CORO2B: variants seen among roughly 807,000 people sequenced by gnomAD.
CORO2B encodes the protein coronin 2B, also known as coronin-2B.
CORO2B carries 26 observed loss-of-function variants against 58.8 expected under a neutral mutation model. The ratio of observed to expected loss-of-function variants is 0.44; its 90% CI spans 0.32 to 0.61. CORO2B has a LOEUF of 0.61. Among genes scored for constraint, CORO2B ranks in the 20% least tolerant of loss-of-function variants. The pLI is 0.04. For missense variants in CORO2B, 460 were observed against 645.1 expected, an observed-to-expected ratio of 0.71 and a Z score of 3.11; for synonymous variants, 242 against 253.8, an observed-to-expected ratio of 0.95 and a Z score of 0.44.
chr15:68,677,489 T>G (rs1407075972), intron 2 of CORO2B, among the ~76,000 whole-genome samples: 2 of 152,102 alleles, frequency 1.3e-5, no homozygotes, highest in Non-Finnish European at 2.9e-5. Context: ...AGCATTTCCT[T>G]GGGCAGCTGG....
intron 3 of CORO2B, 142 bp downstream of exon 3, chr15:68,695,398 G>A (rs1596020793): frequency 1.5e-6 from 1 of 663,062 alleles, no homozygotes; most frequent in Admixed American, 2.4e-5. Flanking sequence ...GCCCCACGAT[G>A]TGGGGGGGAT....
chr15:68,550,612 T>G, the CORO2B span, among the ~76,000 whole-genome samples: 2 of 152,240 alleles, frequency 1.3e-5, no homozygotes, highest in Admixed American at 6.5e-5. Context: ...CCGTTATTAC[T>G]GTCGCCCCCG....
intron 3 of CORO2B, among the ~76,000 whole-genome samples, chr15:68,705,436 C>CAAAAA (rs35973911): frequency 1.8e-5 from 2 of 112,782 alleles, no homozygotes; most frequent in Non-Finnish European, 3.5e-5. Context: ...AACTCTATCT[C>CAAAAA]AAAAAAAAAA....
chr15:68,577,741 A>T (rs1899315819), upstream of CORO2B, among the ~76,000 whole-genome samples: 1 of 151,648 alleles, frequency 6.6e-6, no homozygotes, highest in Non-Finnish European at 1.5e-5. Context: ...AAAAAAAAAA[A>T]AAAAATTGCA....
intron 1 of CORO2B, among the ~76,000 whole-genome samples, chr15:68,600,409 A>G (rs753244869): frequency 6.6e-6 from 1 of 152,082 alleles, no homozygotes. Flanking sequence ...CCCTGAGTAC[A>G]CACTATGCTC....
At chr15:68,580,654 A>G (rs751610818) in intron 1 of CORO2B, among the ~76,000 whole-genome samples, 36 of 152,234 alleles carry the variant, frequency 2.4e-4, no homozygotes, top group Non-Finnish European at 4.4e-4. Flanking sequence ...ACCTGGGGTA[A>G]GATGCTTAGG....
chr15:68,720,902 T>C (rs1202328771), intron 11 of CORO2B, among the ~76,000 whole-genome samples: 1 of 152,198 alleles, frequency 6.6e-6, no homozygotes, highest in Non-Finnish European at 1.5e-5. Flanking sequence ...TATTTTTTGT[T>C]TTGAGACAGA....
the CORO2B span, among the ~76,000 whole-genome samples, chr15:68,519,684 T>C: frequency 6.6e-6 from 1 of 152,220 alleles, no homozygotes; most frequent in Non-Finnish European, 1.5e-5. Context: ...CTTATTTCTA[T>C]TATTTCCTTC....
chr15:68,572,692 A>T, the CORO2B span, among the ~76,000 whole-genome samples: 1 of 152,020 alleles, frequency 6.6e-6, no homozygotes, highest in Non-Finnish European at 1.5e-5. Flanking sequence ...GGTGAAACTG[A>T]GGCTGGTTTG....
At position 68,584,312 on chromosome 15, in the gene CORO2B, C is replaced by T. The variant is rs1035985122; in HGVS notation, c.15+5035C>T. On this transcript the variant is annotated intron_variant, in intron 1 of 11. Transcript: ENST00000261861. ...CAGGTGCTTTCTTCTGGACTGTGCC[C>T]AGAGGCCCTGTGTTCCCCTCCCCCG... Among the ~76,000 whole-genome samples, 43 of 152,320 alleles carry T rather than the reference C, an allele frequency of 2.8e-4. 1 individual carries two copies. Among genetic ancestry groups the T allele is most frequent in the African/African-American group, 1.0e-3 (42 of 41,572 alleles).
intron 11 of CORO2B, among the ~76,000 whole-genome samples, chr15:68,725,108 C>T (rs1229848914): frequency 6.6e-6 from 1 of 152,190 alleles, no homozygotes; most frequent in Non-Finnish European, 1.5e-5. Flanking sequence ...GTAGCTTACA[C>T]CTGTAATCCC....
At chr15:68,660,519 C>T (rs1901980318) in intron 2 of CORO2B, among the ~76,000 whole-genome samples, 1 of 152,122 alleles carries the variant, frequency 6.6e-6, no homozygotes, top group African/African-American at 2.4e-5. Context: ...TTCAGGTGTG[C>T]ACCACCACAC....
chr15:68,726,105 C>G lies in CORO2B; in HGVS notation c.*131C>G. 8.2e-7 allele frequency: 1 copy of G among 1,225,942 alleles called. No individual in the cohort carries two copies. Among genetic ancestry groups the G allele is most frequent in the South Asian group, 1.4e-5 (1 of 73,518 alleles). 75.9% of individuals were successfully genotyped at this position (1,225,942 alleles called of 1,614,324 possible). On this transcript the variant is annotated 3_prime_UTR_variant, in exon 12 of 12. Coordinates refer to ENST00000261861, the MANE Select transcript of CORO2B (RefSeq NM_006091.5). ...GGGCCAGCCTGAGGACCCCCGCCTA[C>G]CACCTCGAGAACTGGAAGCCAACCT...
At chr15:68,538,704 T>C in the CORO2B span, among the ~76,000 whole-genome samples, 4 of 152,262 alleles carry the variant, frequency 2.6e-5, no homozygotes, top group African/African-American at 9.6e-5. Context: ...AACTCACAAG[T>C]TTATTAATAT....
At chr15:68,606,619 G>A (rs1900131595) in intron 1 of CORO2B, among the ~76,000 whole-genome samples, 1 of 152,206 alleles carries the variant, frequency 6.6e-6, no homozygotes, top group Non-Finnish European at 1.5e-5. Context: ...CTGAGTGGAA[G>A]AGGCTGTGTA....
At chr15:68,679,675 G>C (rs1340737756) in intron 2 of CORO2B, among the ~76,000 whole-genome samples, 1 of 152,202 alleles carries the variant, frequency 6.6e-6, no homozygotes, top group Non-Finnish European at 1.5e-5. Context: ...CGTGAGCTGA[G>C]CCAAAGTAGA....
chr15:68,552,918 C>T, the CORO2B span, among the ~76,000 whole-genome samples: 1 of 152,236 alleles, frequency 6.6e-6, no homozygotes, highest in South Asian at 2.1e-4. Context: ...CTCAGAGCTG[C>T]GCTTCCTGCT....
chr15:68,538,968 A>G, the CORO2B span, among the ~76,000 whole-genome samples: 1 of 152,242 alleles, frequency 6.6e-6, no homozygotes, highest in Non-Finnish European at 1.5e-5. Flanking sequence ...TAATCCTTTT[A>G]CATTTTTATA....
At position 68,647,331 on chromosome 15, in the gene CORO2B, T is replaced by C. The variant is rs138845347; in HGVS notation, c.216+1971T>C. 8.5e-5 allele frequency among the ~76,000 whole-genome samples: 13 copies of C among 152,282 alleles called. No homozygotes were observed. In the East Asian group the frequency reaches 2.5e-3, roughly 29 times the overall value. On this transcript the variant is annotated intron_variant, in intron 2 of 11. Transcript: ENST00000261861. Reference sequence around the variant, plus strand: ...AAGCCACATACTTGACTACAATATTTGCAATATATAATAGACAAAGTATTC... The same window carrying C: ...AAGCCACATACTTGACTACAATATTCGCAATATATAATAGACAAAGTATTC...
Sources: allele counts gnomAD v4.1 joint callset (sites outside exome capture counted in the v4.1 genomes callset), GRCh38; gene constraint gnomAD v4.1.1; transcripts MANE v1.5; gene names NCBI Gene and HGNC (gene_info 2026-07-23, HGNC 2026-07-21).